Variants in PBX1 observed in about 807,000 individuals in gnomAD.
PBX1 encodes pre-B-cell leukemia transcription factor 1.
In PBX1, 6 loss-of-function variants were observed where a neutral mutation model predicts 53.4. The ratio of observed to expected loss-of-function variants is 0.11; its 90% CI spans 0.06 to 0.22. The LOEUF (loss-of-function observed/expected upper bound fraction) is 0.22. Ranked by LOEUF, PBX1 falls within the 10% of genes least tolerant of loss-of-function variation. The pLI, the probability that PBX1 is intolerant of heterozygous loss-of-function variation, is 1.00. For missense variants in PBX1, 251 were observed against 551.4 expected (o/e 0.46, Z 5.46); for synonymous variants, 204 against 212.3 (o/e 0.96, Z 0.34).
intron 2 of PBX1, chr1:164,577,149 T>A (rs1201665317): frequency 6.6e-6 from 1 of 152,234 alleles, no homozygotes; most frequent in African/African-American, 2.4e-5. Flanking sequence ...CTGGAGTTAC[T>A]GCAGAAACCC....
chr1:164,854,434 G>A (rs538935951), downstream of PBX1: 11 of 152,174 alleles, frequency 7.2e-5, 1 homozygote, highest in Non-Finnish European at 1.0e-4. Context: ...AACATCCATT[G>A]TGGAGAAAGG....
intron 2 of PBX1, among the ~76,000 whole-genome samples, chr1:164,790,088 C>A (rs1668416192): frequency 6.6e-6 from 1 of 152,032 alleles, no homozygotes; most frequent in South Asian, 2.1e-4. Context: ...GGCGCTGCTG[C>A]CAGATGTTTG....
intron 8 of PBX1, among the ~76,000 whole-genome samples, chr1:164,833,928 T>C (rs1670893383): frequency 6.6e-6 from 1 of 151,334 alleles, no homozygotes; most frequent in Non-Finnish European, 1.5e-5. Flanking sequence ...CTGGTACCCA[T>C]CTTTTACCTC....
intron 2 of PBX1, among the ~76,000 whole-genome samples, chr1:164,664,284 T>C (rs12562327): frequency 0.043 from 6,560 of 152,312 alleles, 211 homozygotes; most frequent in East Asian, 0.091. Context: ...TTTGAGGTTA[T>C]GTGGCTTCCT....
intron 2 of PBX1, among the ~76,000 whole-genome samples, chr1:164,778,073 GTGGCCCCATAATTCTGGTTGGCAAAT>G (rs1667754472): frequency 6.6e-6 from 1 of 152,146 alleles, no homozygotes. Context: ...AGGTAGGGAG[GTGGCCCCATAATTCTGGTTGGCAAAT>G]TGGGAACAGA....
rs149615811 is a variant in PBX1, at chr1:164,568,045, C to G, written c.265+4734C>G. The stretch of plus-strand genomic sequence containing the variant: ...GTTCACTGCTGGTGCCAGACCTATT[C>G]ACATGGTTTTGCCCCTGCATTCTGT... On this transcript the variant is annotated intron_variant, in intron 2 of 8. Transcript: ENST00000420696. Among the ~76,000 whole-genome samples the G allele has an allele frequency of 2.2e-3, 329 of 152,264 alleles. 1 individual carries two copies. The highest frequency in any genetic ancestry group is 7.3e-3 in the African/African-American group (304 of 41,530).
chr1:164,865,830 A>G (rs1174467353), intron 2 of PBX1, among the ~76,000 whole-genome samples: 1 of 152,168 alleles, frequency 6.6e-6, no homozygotes, highest in Non-Finnish European at 1.5e-5. Flanking sequence ...TGACAGAAAG[A>G]ATTCTTGCCT....
chr1:164,761,090 A>T (rs1258010799), intron 2 of PBX1, among the ~76,000 whole-genome samples: 1 of 152,292 alleles, frequency 6.6e-6, no homozygotes, highest in East Asian at 1.9e-4. Flanking sequence ...TGCATGATTT[A>T]TTCAAGAATC....
At chr1:164,707,103 G>T (rs573413688) in intron 2 of PBX1, among the ~76,000 whole-genome samples, 23 of 152,256 alleles carry the variant, frequency 1.5e-4, no homozygotes, top group Non-Finnish European at 2.6e-4. Context: ...AAATGTCAGG[G>T]AAGTCAGTAA....
chr1:164,741,672 G>A (rs894278380), intron 2 of PBX1, among the ~76,000 whole-genome samples: 3 of 151,790 alleles, frequency 2.0e-5, no homozygotes, highest in Admixed American at 1.3e-4. Flanking sequence ...TCTTACTTAT[G>A]ATCTCTAGAT....
At chr1:164,799,674 G>A (rs758699309) in intron 3 of PBX1, 25 bp from the exon 4 acceptor site, 4 of 1,598,326 alleles carry the variant, frequency 2.5e-6, no homozygotes, top group East Asian at 2.2e-5. Flanking sequence ...CCTCAATGAC[G>A]GTGTTGATTG....
rs149052452 is a variant in PBX1, at chr1:164,723,316, A to C, written c.266-69178A>C. 1.6e-3 allele frequency among the ~76,000 whole-genome samples: 242 copies of C among 152,152 alleles called. 1 individual carries two copies. The highest frequency in any genetic ancestry group is 5.2e-3 in the African/African-American group (217 of 41,528). On this transcript the variant is annotated intron_variant, in intron 2 of 8. Coordinates refer to ENST00000420696, the MANE Select transcript of PBX1 (RefSeq NM_002585.4). ...CAGTGCAGAGGAGTTTCTTGGGCTA[A>C]CTCTTTAGAGGCTTATGCTCCACTC...
intron 8 of PBX1, among the ~76,000 whole-genome samples, chr1:164,843,622 T>G (rs544479183): frequency 1.2e-4 from 18 of 152,284 alleles, no homozygotes; most frequent in Admixed American, 9.8e-4. Context: ...GTTTTATATA[T>G]TCTTCACTAG....
In PBX1 at chr1:164,848,107, T is replaced by A. The variant is rs1671660286; in HGVS notation, c.*1431T>A. 8 of 1,052,060 alleles carry A rather than the reference T, an allele frequency of 7.6e-6. No homozygotes were observed. Among genetic ancestry groups the A allele is most frequent in the Non-Finnish European group, 9.2e-6 (8 of 871,042 alleles). The allele number at this position is 1,052,060 out of a possible 1,614,324, so 65.2% of individuals were successfully genotyped here. On this transcript the variant is annotated 3_prime_UTR_variant, in exon 9 of 9. Transcript: ENST00000420696. Reference sequence around the variant, plus strand: ...TCATGTGAACTTTTGCTAGCTTCATTTGAGGACCTGAGAATCATGGGGAAA... The same window carrying A: ...TCATGTGAACTTTTGCTAGCTTCATATGAGGACCTGAGAATCATGGGGAAA...
intron 2 of PBX1, among the ~76,000 whole-genome samples, chr1:164,626,308 C>G (rs1312867063): frequency 6.6e-6 from 1 of 152,114 alleles, no homozygotes; most frequent in African/African-American, 2.4e-5. Context: ...TCCCTGTTAC[C>G]TCTGGTTCCT....
chr1:164,831,094 A>G (rs1484950204), intron 8 of PBX1, among the ~76,000 whole-genome samples: 1 of 152,214 alleles, frequency 6.6e-6, no homozygotes, highest in East Asian at 1.9e-4. Context: ...AGAATTTTAC[A>G]GTGAAATCAC....
At chr1:164,852,892 C>T (rs185982344), downstream of PBX1, among the ~76,000 whole-genome samples, 123 of 152,232 alleles carry the variant, frequency 8.1e-4, no homozygotes, top group African/African-American at 2.7e-3. Context: ...AATATACTTA[C>T]GGGAGCAAGC....
intron 2 of PBX1, among the ~76,000 whole-genome samples, chr1:164,884,839 T>C (rs1047563498): frequency 6.6e-6 from 1 of 152,196 alleles, no homozygotes; most frequent in Non-Finnish European, 1.5e-5. Context: ...TAATCACTTT[T>C]AAGCATTTAC....
At chr1:164,665,885 C>T (rs575519035) in intron 2 of PBX1, among the ~76,000 whole-genome samples, 1 of 152,138 alleles carries the variant, frequency 6.6e-6, no homozygotes, top group Non-Finnish European at 1.5e-5. Flanking sequence ...TTCATGGGAC[C>T]CATTTTATCT....
Sources: gnomAD v4.1 joint callset for allele counts (sites outside exome capture counted in the v4.1 genomes callset) on GRCh38, gnomAD v4.1.1 for gene constraint, MANE v1.5 for transcripts, NCBI Gene and HGNC (gene_info 2026-07-23, HGNC 2026-07-21) for gene names.